The following ZBTB20 variants were observed in gnomAD, a reference collection of about 807,000 sequenced individuals.
ZBTB20 encodes the protein zinc finger and BTB domain-containing protein 20.
Under a neutral mutation model 56.9 loss-of-function variants are expected in ZBTB20, and 9 were observed. That is an observed-to-expected ratio of 0.16 (90% CI 0.10 to 0.28). The LOEUF (loss-of-function observed/expected upper bound fraction) is 0.28, where lower values mean the gene tolerates loss of function less well. Ranked by LOEUF, ZBTB20 falls within the 10% of genes least tolerant of loss-of-function variation. The pLI, the probability that ZBTB20 is intolerant of heterozygous loss-of-function variation, is 1.00. For missense variants in ZBTB20, 655 were observed against 1,003.0 expected (o/e 0.65, Z 4.69); for synonymous variants, 417 against 420.7 (o/e 0.99, Z 0.11).
chr3:114,806,014 A>T (rs181902165), intron 4 of ZBTB20, among the ~76,000 whole-genome samples: 28 of 151,988 alleles, frequency 1.8e-4, no homozygotes, highest in Admixed American at 1.7e-3. Flanking sequence ...TGGACATCTG[A>T]ATTGTTTCCA....
Position 114,776,714 on chromosome 3 carries a change from T to C in ZBTB20, c.-343+24387A>G, listed in dbSNP as rs117830361. On this transcript the variant is annotated intron_variant, in intron 5 of 11. Transcript: ENST00000675478. ...TCCATTGTTCAGAGCATTTGTGAAA[T>C]CACTGAAGTCTCAGGTTGAAGGCAC... 5.0e-4 allele frequency among the ~76,000 whole-genome samples: 76 copies of C among 152,260 alleles called. No individual in the cohort carries two copies. The East Asian group carries it at 0.014, about 29-fold the overall frequency.
At chr3:115,039,816 A>T (rs974533064) in intron 2 of ZBTB20, among the ~76,000 whole-genome samples, 3 of 152,094 alleles carry the variant, frequency 2.0e-5, no homozygotes, top group African/African-American at 7.2e-5. Flanking sequence ...GAATGGGGAC[A>T]TGTTGGTCAA....
intron 7 of ZBTB20, among the ~76,000 whole-genome samples, chr3:114,497,478 C>T (rs532712378): frequency 6.6e-6 from 1 of 152,294 alleles, no homozygotes; most frequent in East Asian, 1.9e-4. Flanking sequence ...TTAACGCCTC[C>T]TGATTTTGTA....
chr3:114,782,096 G>A (rs982399412), intron 5 of ZBTB20, among the ~76,000 whole-genome samples: 3 of 152,188 alleles, frequency 2.0e-5, no homozygotes, highest in African/African-American at 7.2e-5. Flanking sequence ...ACTCACTGAG[G>A]AAAGTGGAGG....
At chr3:114,544,198 A>G (rs1382195312) in intron 6 of ZBTB20, among the ~76,000 whole-genome samples, 1 of 152,216 alleles carries the variant, frequency 6.6e-6, no homozygotes, top group Non-Finnish European at 1.5e-5. Flanking sequence ...TGTTAAAGAA[A>G]TTTTGAAACA....
intron 6 of ZBTB20, among the ~76,000 whole-genome samples, chr3:114,526,964 T>C (rs2047294084): frequency 6.6e-6 from 1 of 152,154 alleles, no homozygotes; most frequent in South Asian, 2.1e-4. Flanking sequence ...GAAGAAGACT[T>C]ACTTTCTTTT....
intron 2 of ZBTB20, among the ~76,000 whole-genome samples, chr3:115,066,821 T>C (rs1190169783): frequency 6.6e-6 from 1 of 152,100 alleles, no homozygotes; most frequent in Non-Finnish European, 1.5e-5. Context: ...AAATGCCAAA[T>C]GTCCCTTCCC....
At chr3:115,024,251 C>T (rs2080322098) in intron 2 of ZBTB20, among the ~76,000 whole-genome samples, 1 of 150,904 alleles carries the variant, frequency 6.6e-6, no homozygotes, top group South Asian at 2.1e-4. Flanking sequence ...TTACTGAATC[C>T]TAACTATTTT....
At chr3:114,962,303 T>C (rs545666599) in intron 3 of ZBTB20, among the ~76,000 whole-genome samples, 35 of 152,200 alleles carry the variant, frequency 2.3e-4, no homozygotes, top group South Asian at 1.9e-3. Flanking sequence ...CAAAATTGTA[T>C]ATGGGATTTG....
chr3:114,755,689 C>G (rs562825012), intron 5 of ZBTB20, among the ~76,000 whole-genome samples: 2 of 151,966 alleles, frequency 1.3e-5, no homozygotes, highest in African/African-American at 2.4e-5. Context: ...GAAACACATG[C>G]CCTGGGATTA....
chr3:114,769,552 CATATATATATATAT>C (rs6148023), intron 5 of ZBTB20, among the ~76,000 whole-genome samples: 5,742 of 116,632 alleles, frequency 0.049, 207 homozygotes, highest in East Asian at 0.15. Context: ...TGCCAAAATG[CATATATATATATAT>C]ATATATATAT....
At chr3:114,514,092 T>C (rs2045710730) in intron 6 of ZBTB20, among the ~76,000 whole-genome samples, 2 of 152,152 alleles carry the variant, frequency 1.3e-5, no homozygotes. Context: ...TGTCTGGTCA[T>C]ATTAATCTCC....
At position 115,076,728 on chromosome 3, in the gene ZBTB20, T is replaced by C. The variant is rs529718731; in HGVS notation, c.-702-5314A>G. Among the ~76,000 whole-genome samples, 29 of 152,182 alleles carry C rather than the reference T, an allele frequency of 1.9e-4. No individual in the cohort carries two copies. The East Asian group carries it at 2.3e-3, about 12-fold the overall frequency. On this transcript the variant is annotated intron_variant, in intron 1 of 11. Coordinates refer to ENST00000675478, the MANE Select transcript of ZBTB20 (RefSeq NM_001348800.3). The stretch of plus-strand genomic sequence containing the variant: ...CATCTTGACTGCACAGCAAACAACA[T>C]AGTGAAAAGGCAACCTATGGAATAG...
At chr3:114,945,810 G>A (rs1392701170) in intron 3 of ZBTB20, among the ~76,000 whole-genome samples, 3 of 144,640 alleles carry the variant, frequency 2.1e-5, no homozygotes, top group African/African-American at 8.5e-5. Context: ...TTAAAAGTAA[G>A]TATACAGAAA....
At chr3:114,997,749 TC>T (rs2079084828) in intron 2 of ZBTB20, among the ~76,000 whole-genome samples, 2 of 151,774 alleles carry the variant, frequency 1.3e-5, no homozygotes, top group South Asian at 4.1e-4. Context: ...TAGGTTAATT[TC>T]TTTTTACAAA....
At chr3:114,785,812 C>T (rs990350137) in intron 5 of ZBTB20, among the ~76,000 whole-genome samples, 22 of 152,026 alleles carry the variant, frequency 1.4e-4, no homozygotes, top group Admixed American at 9.2e-4. Flanking sequence ...TTACTCTCTG[C>T]GTAAATTTAA....
intron 6 of ZBTB20, among the ~76,000 whole-genome samples, chr3:114,669,116 C>T (rs1219628002): frequency 1.3e-5 from 2 of 152,024 alleles, no homozygotes; most frequent in Non-Finnish European, 2.9e-5. Context: ...CATCTGGAGA[C>T]AATTTTGATA....
At chr3:114,475,286 C>T (rs1385509659) in intron 7 of ZBTB20, among the ~76,000 whole-genome samples, 1 of 152,068 alleles carries the variant, frequency 6.6e-6, no homozygotes, top group African/African-American at 2.4e-5. Flanking sequence ...ATGAAGCCCT[C>T]AGTTAGCCCT....
At chr3:115,098,593 T>TA (rs1409833168) in intron 1 of ZBTB20, among the ~76,000 whole-genome samples, 1 of 152,150 alleles carries the variant, frequency 6.6e-6, no homozygotes, top group Admixed American at 6.5e-5. Flanking sequence ...CTATCCAGTT[T>TA]AAAAAAACTG....
Sources: gnomAD v4.1 joint callset for allele counts (sites outside exome capture counted in the v4.1 genomes callset) on GRCh38, gnomAD v4.1.1 for gene constraint, MANE v1.5 for transcripts, NCBI Gene and HGNC (gene_info 2026-07-23, HGNC 2026-07-21) for gene names.